Variants in AFG2A observed in about 807,000 individuals in gnomAD.
AFG2A encodes the protein AAA ATPase AFG2A.
chr4:123,130,425 G>A, the AFG2A span, among the ~76,000 whole-genome samples: 2 of 152,144 alleles, frequency 1.3e-5, no homozygotes, highest in African/African-American at 4.8e-5. Context: ...CACCACTGGT[G>A]GGATGTCTTC....
chr4:122,941,759 T>C, the AFG2A span, among the ~76,000 whole-genome samples: 1 of 151,716 alleles, frequency 6.6e-6, no homozygotes, highest in Non-Finnish European at 1.5e-5. Flanking sequence ...AGTATGATAC[T>C]GGCTGTGGGT....
At chr4:123,062,664 G>T in the AFG2A span, among the ~76,000 whole-genome samples, 1 of 152,266 alleles carries the variant, frequency 6.6e-6, no homozygotes, top group South Asian at 2.1e-4. Flanking sequence ...TATACAGCAT[G>T]TTATTGTACT....
the AFG2A span, among the ~76,000 whole-genome samples, chr4:123,186,377 C>T: frequency 2.0e-5 from 3 of 152,248 alleles, no homozygotes; most frequent in Non-Finnish European, 4.4e-5. Context: ...AAAAGTTTTA[C>T]TTCTTAAGAT....
At chr4:123,123,951 CAAAAAAAAAAAAAA>C in the AFG2A span, among the ~76,000 whole-genome samples, 2 of 35,776 alleles carry the variant, frequency 5.6e-5, no homozygotes, top group South Asian at 3.4e-3. Flanking sequence ...AACTCCGTCT[CAAAAAAAAAAAAAA>C]AAAAAAAAAA....
the AFG2A span, among the ~76,000 whole-genome samples, chr4:123,134,074 C>G: frequency 6.6e-6 from 1 of 152,074 alleles, no homozygotes; most frequent in African/African-American, 2.4e-5. Flanking sequence ...TGGGGTTTTT[C>G]TCTTCACTCT....
chr4:122,972,073 A>T, the AFG2A span, among the ~76,000 whole-genome samples: 1 of 152,164 alleles, frequency 6.6e-6, no homozygotes, highest in Non-Finnish European at 1.5e-5. Flanking sequence ...AATTTTTTAA[A>T]AATTAATGTC....
chr4:123,312,942 A>G, the AFG2A span, among the ~76,000 whole-genome samples: 1 of 152,238 alleles, frequency 6.6e-6, no homozygotes. Context: ...CGCTGAATGG[A>G]TGGACAAATG....
chr4:123,314,340 C>G, the AFG2A span: 1 of 209,092 alleles, frequency 4.8e-6, no homozygotes, highest in African/African-American at 2.3e-5. Context: ...GTCTGTTCAT[C>G]CCATGAAGCG....
chr4:123,200,167 T>A, the AFG2A span, among the ~76,000 whole-genome samples: 1 of 152,358 alleles, frequency 6.6e-6, no homozygotes, highest in African/African-American at 2.4e-5. Context: ...CATATTATGA[T>A]TGTTTTAGAG....
chr4:123,239,097 A>T, the AFG2A span, among the ~76,000 whole-genome samples: 2 of 152,222 alleles, frequency 1.3e-5, no homozygotes, highest in Non-Finnish European at 2.9e-5. Context: ...GTGATTGAAG[A>T]TCAAATGAAA....
the AFG2A span, among the ~76,000 whole-genome samples, chr4:122,972,478 C>G: frequency 1.4e-5 from 2 of 147,742 alleles, no homozygotes; most frequent in South Asian, 2.1e-4. Flanking sequence ...CTTCTTTTTT[C>G]TTTTAGGTTT....
At chr4:123,146,857 G>A in the AFG2A span, among the ~76,000 whole-genome samples, 1 of 152,042 alleles carries the variant, frequency 6.6e-6, no homozygotes, top group Non-Finnish European at 1.5e-5. Flanking sequence ...CAGTTGCTAG[G>A]GACATACACC....
chr4:123,111,216 T>A, the AFG2A span, among the ~76,000 whole-genome samples: 1 of 152,200 alleles, frequency 6.6e-6, no homozygotes, highest in Non-Finnish European at 1.5e-5. Flanking sequence ...TTTGGCCTTA[T>A]ATAGCTGTGA....
chr4:123,314,011 T>C, the AFG2A span: 4 of 1,610,514 alleles, frequency 2.5e-6, no homozygotes, highest in African/African-American at 1.3e-5. Flanking sequence ...TCCTGAGTCA[T>C]TGAGACGTTT....
the AFG2A span, among the ~76,000 whole-genome samples, chr4:123,310,429 T>TCTCTA: frequency 6.6e-6 from 1 of 152,246 alleles, no homozygotes; most frequent in Non-Finnish European, 1.5e-5. Context: ...CCTTGCTGCT[T>TCTCTA]CTCTACTCAT....
chr4:123,077,272 C>T, the AFG2A span, among the ~76,000 whole-genome samples: 8 of 152,050 alleles, frequency 5.3e-5, no homozygotes. Context: ...TGGTCTCGAT[C>T]TCCTGACCTC....
chr4:123,296,990 A>G, the AFG2A span, among the ~76,000 whole-genome samples: 1 of 152,182 alleles, frequency 6.6e-6, no homozygotes, highest in East Asian at 1.9e-4. Context: ...CCTCCAACAC[A>G]TATTTCCAGT....
chr4:123,062,477 G>A, the AFG2A span, among the ~76,000 whole-genome samples: 1 of 151,934 alleles, frequency 6.6e-6, no homozygotes, highest in African/African-American at 2.4e-5. Flanking sequence ...ATAATGGCCA[G>A]TATTTCTGTT....
the AFG2A span, among the ~76,000 whole-genome samples, chr4:123,087,860 G>A: frequency 6.6e-6 from 1 of 152,154 alleles, no homozygotes; most frequent in Non-Finnish European, 1.5e-5. Context: ...TTTTCAGTTT[G>A]TTCAGCTTTT....
Sources: gnomAD v4.1 joint callset for allele counts (sites outside exome capture counted in the v4.1 genomes callset) on GRCh38, gnomAD v4.1.1 for gene constraint, MANE v1.5 for transcripts, NCBI Gene and HGNC (gene_info 2026-07-23, HGNC 2026-07-21) for gene names.